The following EIF4E3 variants were observed in gnomAD, a reference collection of about 807,000 sequenced individuals.
EIF4E3 encodes eukaryotic translation initiation factor 4E family member 3.
EIF4E3 carries 26 observed loss-of-function variants against 31.7 expected under a neutral mutation model. The observed-to-expected ratio is 0.82, with a 90% CI of 0.60 to 1.14. The LOEUF (loss-of-function observed/expected upper bound fraction) is 1.14. Among genes scored for constraint, EIF4E3 ranks in the 50% most tolerant of loss-of-function variants. EIF4E3 has a pLI of 0.00. For synonymous variants in EIF4E3, 128 were observed against 107.7 expected, an observed-to-expected ratio of 1.19 and a Z score of -1.17; for missense variants, 304 against 270.9, an observed-to-expected ratio of 1.12 and a Z score of -0.86.
chr3:71,733,737 T>C (rs757013993), intron 1 of EIF4E3, among the ~76,000 whole-genome samples: 11 of 152,230 alleles, frequency 7.2e-5, no homozygotes, highest in Admixed American at 2.0e-4. Flanking sequence ...AACCATTCAT[T>C]AAAGTGTAGA....
intron 1 of EIF4E3, among the ~76,000 whole-genome samples, chr3:71,749,339 C>A (rs1415342072): frequency 6.6e-6 from 1 of 152,232 alleles, no homozygotes; most frequent in Non-Finnish European, 1.5e-5. Context: ...GCAAGGCCCA[C>A]TTTCATTGTC....
At chr3:71,713,351 A>G (rs746289338) in intron 1 of EIF4E3, among the ~76,000 whole-genome samples, 1 of 152,118 alleles carries the variant, frequency 6.6e-6, no homozygotes, top group Non-Finnish European at 1.5e-5. Flanking sequence ...AGCCATATAC[A>G]CACTTGCCTT....
At chr3:71,712,783 T>C (rs901746524) in intron 1 of EIF4E3, among the ~76,000 whole-genome samples, 24 of 151,976 alleles carry the variant, frequency 1.6e-4, no homozygotes, top group African/African-American at 5.8e-4. Context: ...AATGCAAATG[T>C]TTGCTTCATA....
chr3:71,720,177 C>T (rs886357007), intron 1 of EIF4E3, among the ~76,000 whole-genome samples: 8 of 151,140 alleles, frequency 5.3e-5, no homozygotes, highest in East Asian at 3.9e-4. Flanking sequence ...TATGTATGTA[C>T]GTACATATGT....
chr3:71,700,273 A>G (rs1335979518), intron 2 of EIF4E3, among the ~76,000 whole-genome samples: 1 of 152,204 alleles, frequency 6.6e-6, no homozygotes, highest in South Asian at 2.1e-4. Flanking sequence ...GTTATTAAGC[A>G]AACATTCCTA....
chr3:71,663,787 C>T, the EIF4E3 span, among the ~76,000 whole-genome samples: 2 of 152,342 alleles, frequency 1.3e-5, no homozygotes, highest in South Asian at 4.1e-4. Flanking sequence ...TATGACCCAG[C>T]CATGGAGGCC....
intron 1 of EIF4E3, among the ~76,000 whole-genome samples, chr3:71,740,187 G>C (rs530288075): frequency 8.6e-5 from 13 of 152,030 alleles, no homozygotes; most frequent in South Asian, 8.3e-4. Context: ...GAAGCAAAGA[G>C]CAGTTAAGAC....
intron 4 of EIF4E3, among the ~76,000 whole-genome samples, chr3:71,694,563 AG>A (rs929443100): frequency 4.6e-5 from 7 of 152,188 alleles, no homozygotes; most frequent in African/African-American, 1.4e-4. Context: ...GAAATACTGG[AG>A]TTTCTTTCTC....
At chr3:71,673,751 G>A (rs2048858014), downstream of EIF4E3, among the ~76,000 whole-genome samples, 1 of 151,858 alleles carries the variant, frequency 6.6e-6, no homozygotes, top group Admixed American at 6.6e-5. Context: ...ATGATGTCAT[G>A]TCTTGTTTTT....
chr3:71,707,814 C>T (rs980110027), intron 2 of EIF4E3, among the ~76,000 whole-genome samples: 4 of 151,520 alleles, frequency 2.6e-5, no homozygotes, highest in South Asian at 2.1e-4. Context: ...AGAATTCTTA[C>T]GGGAGCAGTC....
At chr3:71,727,685 A>G (rs1158050489), upstream of EIF4E3, among the ~76,000 whole-genome samples, 1 of 152,356 alleles carries the variant, frequency 6.6e-6, no homozygotes, top group South Asian at 2.1e-4. Context: ...TATAGCTGAT[A>G]TATAAATAAT....
chr3:71,736,292 T>G (rs1280405529), intron 1 of EIF4E3, among the ~76,000 whole-genome samples: 1 of 152,222 alleles, frequency 6.6e-6, no homozygotes, highest in Non-Finnish European at 1.5e-5. Flanking sequence ...CCAGCAATTA[T>G]ACTCCTTGGT....
intron 2 of EIF4E3, among the ~76,000 whole-genome samples, chr3:71,705,804 T>TC (rs886941396): frequency 5.3e-5 from 8 of 152,152 alleles, no homozygotes; most frequent in Admixed American, 4.6e-4. Flanking sequence ...TATTTTTTTT[T>TC]CTCCCAGAGA....
intron 1 of EIF4E3, among the ~76,000 whole-genome samples, chr3:71,715,609 G>A (rs751946091): frequency 6.6e-6 from 1 of 152,082 alleles, no homozygotes; most frequent in Non-Finnish European, 1.5e-5. Flanking sequence ...ACCCTGGTTC[G>A]GAATTTTCTG....
upstream of EIF4E3, chr3:71,754,172 G>T: frequency 4.8e-6 from 7 of 1,452,086 alleles, no homozygotes; most frequent in Non-Finnish European, 6.4e-6. This position sits in a 1 kb window ranked among gnomAD's most constrained non-coding sequence, Gnocchi z 5.8. Context: ...TGTTCGCGCT[G>T]CTGATCGTGC....
At chr3:71,685,083 T>G (rs1437354000) in intron 6 of EIF4E3, among the ~76,000 whole-genome samples, 1 of 151,186 alleles carries the variant, frequency 6.6e-6, no homozygotes, top group African/African-American at 2.4e-5. Context: ...TTGCAGGGGG[T>G]GGGGAGAGGG....
At chr3:71,709,533 C>A (rs1010586141) in intron 2 of EIF4E3, among the ~76,000 whole-genome samples, 1 of 152,080 alleles carries the variant, frequency 6.6e-6, no homozygotes, top group Non-Finnish European at 1.5e-5. Flanking sequence ...ATGTGTGCCA[C>A]CATGCCCAGT....
At chr3:71,719,911 G>A (rs1342754652) in intron 1 of EIF4E3, among the ~76,000 whole-genome samples, 2 of 151,996 alleles carry the variant, frequency 1.3e-5, no homozygotes, top group Non-Finnish European at 2.9e-5. Flanking sequence ...CTACTTGGGA[G>A]GCTGAGGTGG....
chr3:71,704,300 G>T (rs1559597718), intron 2 of EIF4E3, among the ~76,000 whole-genome samples: 1 of 152,196 alleles, frequency 6.6e-6, no homozygotes, highest in African/African-American at 2.4e-5. Flanking sequence ...TGAAAGGATG[G>T]GAGAGAGCCC....
Sources: allele counts gnomAD v4.1 joint callset (sites outside exome capture counted in the v4.1 genomes callset), GRCh38; gene constraint gnomAD v4.1.1; non-coding constraint Gnocchi (gnomAD v3.1); transcripts MANE v1.5; gene names NCBI Gene and HGNC (gene_info 2026-07-23, HGNC 2026-07-21).